The following GRIP2 variants were observed in gnomAD, a reference collection of about 807,000 sequenced individuals.
The protein encoded by GRIP2 is glutamate receptor-interacting protein 2.
GRIP2 carries 58 observed loss-of-function variants against 108.3 expected under a neutral mutation model. The ratio of observed to expected loss-of-function variants is 0.54; its 90% CI spans 0.43 to 0.67. The LOEUF (loss-of-function observed/expected upper bound fraction) is 0.67, where lower values mean the gene tolerates loss of function less well. Among genes scored for constraint, GRIP2 ranks in the 30% least tolerant of loss-of-function variants. The pLI, the probability that GRIP2 is intolerant of heterozygous loss-of-function variation, is 0.00. For missense variants in GRIP2, 1,278 were observed against 1,430.6 expected (o/e 0.89, Z 1.72); for synonymous variants, 586 against 598.2 (o/e 0.98, Z 0.30).
Position 14,506,850 on chromosome 3 carries a change from A to C in GRIP2, c.2349T>G (p.Ala783=). 1 of 1,607,598 alleles carries C rather than the reference A, an allele frequency of 6.2e-7. No homozygotes were observed. Among genetic ancestry groups the C allele is most frequent in the South Asian group, 1.1e-5 (1 of 89,720 alleles). ...FSPAVPSVDS[A]VESWDSSATE... Reference sequence around the variant, plus strand: ...TGGCCGAGCTGTCCCAAGACTCCACAGCACTGTCCACACTGGGCACAGCCG... The same window carrying C: ...TGGCCGAGCTGTCCCAAGACTCCACCGCACTGTCCACACTGGGCACAGCCG... The change falls in exon 19 of 24, where the codon GCT becomes GCG. Residue 783 remains alanine (A), a synonymous_variant. Coordinates refer to ENST00000621039, the MANE Select transcript of GRIP2 (RefSeq NM_001080423.4).
rs968764851 is a variant in GRIP2 at position 14,507,047 on chromosome 3, T to C, written c.2219-67A>G. On this transcript the variant is annotated intron_variant, in intron 18 of 23. Coordinates refer to ENST00000621039, the MANE Select transcript of GRIP2 (RefSeq NM_001080423.4). The surrounding 1 kb of genome is among the most constrained non-coding windows in gnomAD (Gnocchi z 4.6). ...TCACAGTGAGCCTCAGTTTCTGCAT[T>C]TCAGCCTGGTCTGGAAACTCACAGG... The C allele has an allele frequency of 6.9e-7, 1 of 1,443,350 alleles. No homozygotes were observed. The highest frequency in any genetic ancestry group is 2.1e-5 in the Admixed American group (1 of 47,102). 89.4% of individuals were successfully genotyped at this position (1,443,350 alleles called of 1,614,324 possible). A position where few individuals can be genotyped will look rare whatever the true frequency, so the allele number is the denominator to read the frequency against.
Position 14,512,933 on chromosome 3 carries a change from CTG to C in GRIP2, c.1640-78_1640-77del. Reference sequence around the variant, plus strand: ...AGCGAACCCCAGCCCCATGCCCATTCTGGCTGTGCTGGGAGTGACCCCGAAAG... The same window carrying C: ...AGCGAACCCCAGCCCCATGCCCATTCGCTGTGCTGGGAGTGACCCCGAAAG... On this transcript the variant is annotated intron_variant, in intron 13 of 23. Transcript: ENST00000621039. The surrounding 1 kb of genome is among the most constrained non-coding windows in gnomAD (Gnocchi z 5.1). 3.8e-6 allele frequency: 5 copies of C among 1,321,606 alleles called. No individual in the cohort carries two copies. In the East Asian group the frequency reaches 1.2e-4, roughly 30 times the overall value. 81.9% of individuals were successfully genotyped at this position (1,321,606 alleles called of 1,614,324 possible).
chr3:14,580,132 G>A, the GRIP2 span, among the ~76,000 whole-genome samples: 1 of 152,192 alleles, frequency 6.6e-6, no homozygotes, highest in Non-Finnish European at 1.5e-5. Context: ...CAGGGGCTGG[G>A]TCTGGTCACC....
chr3:14,558,192 G>A (rs868603671), upstream of GRIP2, among the ~76,000 whole-genome samples: 24 of 152,174 alleles, frequency 1.6e-4, no homozygotes, highest in Non-Finnish European at 2.8e-4. Flanking sequence ...AGAGAGGTGC[G>A]GTATTCTACC....
intron 22 of GRIP2, among the ~76,000 whole-genome samples, chr3:14,495,815 TTTATATG>T (rs1418569297): frequency 3.9e-5 from 6 of 152,028 alleles, no homozygotes; most frequent in African/African-American, 1.4e-4. Context: ...CGTAGAAGGG[TTTATATG>T]TTATATGTAA....
the GRIP2 span, among the ~76,000 whole-genome samples, chr3:14,588,037 T>C: frequency 6.6e-6 from 1 of 152,244 alleles, no homozygotes; most frequent in African/African-American, 2.4e-5. Flanking sequence ...TAAACTGTGA[T>C]AGAAGATAAA....
In GRIP2 at chr3:14,537,615, CAG is replaced by C. The variant is rs1488486222; in HGVS notation, c.40+2652_40+2653del. Among the ~76,000 whole-genome samples the C allele has an allele frequency of 8.5e-5, 13 of 152,354 alleles. No homozygotes were observed. The East Asian group carries it at 1.7e-3, about 20-fold the overall frequency. ...CTCAAGGTCAGAGACTAGGAAGAGACAGAGCCAGGACGCAAACTCAGGCGAAG... is the reference window on the plus strand; with the variant it reads ...CTCAAGGTCAGAGACTAGGAAGAGACAGCCAGGACGCAAACTCAGGCGAAG... On this transcript the variant is annotated intron_variant, in intron 1 of 23. Transcript: ENST00000621039.
chr3:14,601,437 A>G, the GRIP2 span, among the ~76,000 whole-genome samples: 2 of 152,080 alleles, frequency 1.3e-5, no homozygotes, highest in African/African-American at 4.8e-5. Flanking sequence ...CCTTATTGGC[A>G]GCCCTTCTCC....
the GRIP2 span, among the ~76,000 whole-genome samples, chr3:14,588,350 G>T: frequency 6.6e-6 from 1 of 152,132 alleles, no homozygotes. Context: ...CCTCCCCTGG[G>T]ACCCTGGGCC....
chr3:14,543,629 T>C (rs542322539), upstream of GRIP2, among the ~76,000 whole-genome samples: 114 of 152,352 alleles, frequency 7.5e-4, 2 homozygotes, highest in South Asian at 0.023. Flanking sequence ...ACAGATTGCC[T>C]GGGCATGCAA....
chr3:14,523,445 T>C (rs1694467306), intron 5 of GRIP2, 167 bp downstream of exon 5: 1 of 612,908 alleles, frequency 1.6e-6, no homozygotes, highest in Non-Finnish European at 2.9e-6. Context: ...GCCTACTTCA[T>C]TGCTTGGCAG....
chr3:14,573,938 G>A, the GRIP2 span: 8 of 1,094,282 alleles, frequency 7.3e-6, no homozygotes, highest in African/African-American at 4.6e-5. Context: ...TCTCGTGCTC[G>A]CGCCCTGCGC....
chr3:14,495,939 A>T (rs908617958), intron 22 of GRIP2, among the ~76,000 whole-genome samples: 1 of 152,150 alleles, frequency 6.6e-6, no homozygotes, highest in Non-Finnish European at 1.5e-5. Flanking sequence ...TGAACCCAGG[A>T]GTTTGAGACC....
the GRIP2 span, among the ~76,000 whole-genome samples, chr3:14,583,503 T>C: frequency 1.3e-5 from 2 of 152,160 alleles, no homozygotes; most frequent in Non-Finnish European, 2.9e-5. Flanking sequence ...TACTGGGGCC[T>C]TCCCTGACCA....
At chr3:14,495,434 T>A (rs1693567267) in intron 22 of GRIP2, among the ~76,000 whole-genome samples, 1 of 152,104 alleles carries the variant, frequency 6.6e-6, no homozygotes, top group Non-Finnish European at 1.5e-5. Flanking sequence ...TGAGATGGAG[T>A]CTTGCTCTGT....
the GRIP2 span, chr3:14,574,319 C>G: frequency 9.9e-7 from 1 of 1,011,398 alleles, no homozygotes. Context: ...GCCGCTTCTC[C>G]CGGGCGAAGA....
intron 1 of GRIP2, among the ~76,000 whole-genome samples, chr3:14,528,823 G>C (rs1694631002): frequency 6.6e-6 from 1 of 152,084 alleles, no homozygotes; most frequent in Non-Finnish European, 1.5e-5. Context: ...TATCTTCTTT[G>C]GGGAAGTGCC....
chr3:14,583,001 G>T, the GRIP2 span, among the ~76,000 whole-genome samples: 16 of 152,216 alleles, frequency 1.1e-4, no homozygotes, highest in Non-Finnish European at 1.5e-4. Flanking sequence ...AACCCTGTTA[G>T]GTAGACACTG....
chr3:14,519,101 G>A (rs879867965), intron 9 of GRIP2, among the ~76,000 whole-genome samples: 27 of 152,218 alleles, frequency 1.8e-4, no homozygotes, highest in Non-Finnish European at 2.5e-4. Context: ...AACCTGGCAC[G>A]TGGCAGATGC....
Sources: allele counts gnomAD v4.1 joint callset (sites outside exome capture counted in the v4.1 genomes callset), GRCh38; gene constraint gnomAD v4.1.1; non-coding constraint Gnocchi (gnomAD v3.1); transcripts MANE v1.5; gene names NCBI Gene and HGNC (gene_info 2026-07-23, HGNC 2026-07-21).